Variants in MMP28 observed in about 807,000 individuals in gnomAD.
MMP28 encodes matrix metallopeptidase 28.
A neutral mutation model predicts 60.5 loss-of-function variants in MMP28; 55 were observed. That is an observed-to-expected ratio of 0.91 (90% CI 0.73 to 1.14). MMP28 has a LOEUF of 1.14. Ranked by LOEUF, MMP28 falls within the 50% of genes most tolerant of loss-of-function variation. The pLI is 0.00. For missense variants in MMP28, 686 were observed against 738.3 expected (o/e 0.93, Z 0.82); for synonymous variants, 318 against 312.5 (o/e 1.02, Z -0.18).
intron 2 of MMP28, among the ~76,000 whole-genome samples, chr17:35,759,780 C>T (rs1161247532): frequency 4.0e-5 from 6 of 149,838 alleles, no homozygotes; most frequent in Admixed American, 6.7e-5. Context: ...CTGCATATAC[C>T]GGTATCCACT....
intron 3 of MMP28, among the ~76,000 whole-genome samples, chr17:35,773,628 C>A (rs1341236290): frequency 2.0e-5 from 3 of 152,190 alleles, no homozygotes; most frequent in Non-Finnish European, 4.4e-5. Flanking sequence ...TGGACAGTCC[C>A]CAGTACAGTG....
At chr17:35,793,481 T>C (rs903227523) in intron 1 of MMP28, among the ~76,000 whole-genome samples, 8 of 152,096 alleles carry the variant, frequency 5.3e-5, no homozygotes, top group African/African-American at 1.9e-4. Context: ...CTTCTCTGAA[T>C]ATGCAGAGAA....
chr17:35,758,911 G>T (rs1178470945), intron 2 of MMP28, among the ~76,000 whole-genome samples: 1 of 152,048 alleles, frequency 6.6e-6, no homozygotes, highest in Non-Finnish European at 1.5e-5. Flanking sequence ...CATGCCAGGG[G>T]ACACTCTGTT....
At position 35,770,130 on chromosome 17, in the gene MMP28, T is replaced by C. The variant is rs755436729; in HGVS notation, c.787A>G (p.Lys263Glu). 108 of 1,607,216 alleles carry C rather than the reference T, an allele frequency of 6.7e-5. 1 individual carries two copies. The highest frequency in any genetic ancestry group is 8.9e-5 in the Non-Finnish European group (105 of 1,177,672). ...AGCAGCGCGTCGCGGCCCAGCCTCT[T>C]GTAGTAGGGCGCCATGAGCGCGCGC... is the stretch of plus-strand genomic sequence containing the variant. ...APRALMAPYY[K>E]RLGRDALLSW... The change falls in exon 5 of 8, where the codon AAG (lysine) becomes GAG (glutamate). Residue 263 changes from lysine to glutamate, a missense_variant. Transcript: ENST00000605424.
chr17:35,785,682 C>T (rs2086627142), intron 1 of MMP28, among the ~76,000 whole-genome samples: 2 of 152,122 alleles, frequency 1.3e-5, no homozygotes, highest in South Asian at 2.1e-4. Flanking sequence ...CTCTTGACCT[C>T]GTGATCCGCC....
downstream of MMP28, chr17:35,764,272 G>C (rs587606861): frequency 1.2e-5 from 18 of 1,536,570 alleles, no homozygotes; most frequent in South Asian, 2.1e-4. Flanking sequence ...GCGGCTTCTG[G>C]GGCTGGCTCG....
rs2143159751 is a variant in MMP28, at chr17:35,766,831, G to C, written c.1232C>G (p.Ala411Gly). 6.3e-7 allele frequency: 1 copy of C among 1,575,660 alleles called. No homozygotes were observed. Among genetic ancestry groups the C allele is most frequent in the Non-Finnish European group, 8.6e-7 (1 of 1,161,408 alleles). The change falls in exon 8 of 8, where the codon GCA (alanine) becomes GGA (glycine). Residue 411 changes from alanine (A) to glycine (G), a missense_variant. Physicochemically the swap from Ala to Gly is moderately conservative, Grantham distance 60. Coordinates refer to ENST00000605424, the MANE Select transcript of MMP28 (RefSeq NM_024302.5). This position sits in a 1 kb window ranked among gnomAD's most constrained non-coding sequence, Gnocchi z 4.3. The stretch of plus-strand genomic sequence containing the variant: ...GTCAGGATGGCGGGGCAGGCCCCCT[G>C]CCCGGCACAGCTGTGGGAGACCCCA... ...PVWGLPQLCR[A>G]GGLPRHPDAA...
chr17:35,773,497 C>T (rs1555606700), intron 3 of MMP28, 93 bp from the exon 4 acceptor site: 4 of 1,094,704 alleles, frequency 3.7e-6, no homozygotes, highest in Non-Finnish European at 5.2e-6. Context: ...GTAGGCCCTC[C>T]CCCAGCAGCC....
chr17:35,770,000 C>T (rs890804127), intron 5 of MMP28, 67 bp downstream of exon 5: 5 of 1,471,694 alleles, frequency 3.4e-6, no homozygotes, highest in African/African-American at 2.9e-5. Context: ...GCAGAGCCGG[C>T]GTTCAAGGAC....
At chr17:35,774,164 G>T (rs184130331) in intron 3 of MMP28, among the ~76,000 whole-genome samples, 4 of 152,306 alleles carry the variant, frequency 2.6e-5, no homozygotes, top group African/African-American at 7.2e-5. Flanking sequence ...TCCTCCCTGA[G>T]GGCTGAGACT....
chr17:35,775,885 T>C (rs1471006831), intron 3 of MMP28, among the ~76,000 whole-genome samples: 2 of 152,246 alleles, frequency 1.3e-5, no homozygotes, highest in Admixed American at 6.5e-5. Context: ...TTCTTTTTTC[T>C]TTTTTTGAGA....
chr17:35,774,477 T>G (rs959234253), intron 3 of MMP28, among the ~76,000 whole-genome samples: 3 of 152,198 alleles, frequency 2.0e-5, no homozygotes, highest in African/African-American at 7.2e-5. Context: ...GCTCTTCCAT[T>G]ATTCCACATA....
At chr17:35,764,300 G>C, downstream of MMP28, 1 of 1,509,660 alleles carries the variant, frequency 6.6e-7, no homozygotes, top group Non-Finnish European at 8.8e-7. Context: ...AGCGCTGCTG[G>C]GCGGCCTAAC....
chr17:35,761,198 G>C (rs2085812162), downstream of MMP28, among the ~76,000 whole-genome samples: 2 of 150,712 alleles, frequency 1.3e-5, no homozygotes, highest in Non-Finnish European at 3.0e-5. Context: ...CTGCCTCCCG[G>C]GTTCAAGTGA....
chr17:35,787,018 A>C (rs1555610647), intron 1 of MMP28, among the ~76,000 whole-genome samples: 3 of 152,148 alleles, frequency 2.0e-5, no homozygotes, highest in African/African-American at 7.2e-5. Flanking sequence ...TTTACATTTA[A>C]ACAAGTGACT....
At position 35,766,034 on chromosome 17, in the gene MMP28, G is replaced by T. The variant is rs2085928388; in HGVS notation, c.*466C>A. 2 of 985,310 alleles carry T rather than the reference G, an allele frequency of 2.0e-6. No homozygotes were observed. Among genetic ancestry groups the T allele is most frequent in the African/African-American group, 3.5e-5 (2 of 57,244 alleles). 61.0% of individuals were successfully genotyped at this position (985,310 alleles called of 1,614,324 possible). On this transcript the variant is annotated 3_prime_UTR_variant, in exon 8 of 8. Coordinates refer to ENST00000605424, the MANE Select transcript of MMP28 (RefSeq NM_024302.5). The surrounding 1 kb of genome is among the most constrained non-coding windows in gnomAD (Gnocchi z 4.3). ...CCTTCATCCCCATCCATGCTTCCTG[G>T]GGGTGGGGCCTCTGACTAAATATGA...
chr17:35,779,901 C>T (rs965896072), intron 1 of MMP28, among the ~76,000 whole-genome samples: 1 of 152,084 alleles, frequency 6.6e-6, no homozygotes, highest in African/African-American at 2.4e-5. Context: ...ATACACTATT[C>T]ATATGCATCC....
rs190700206 is a variant in MMP28 at position 35,783,651 on chromosome 17, G to A, written c.112-4328C>T. Reference sequence around the variant, plus strand: ...CAGCCCTTATCAGGGAGTTGGCTCCGGTTCTGGAACTCTGAAGCCTTGGAC... The same window carrying A: ...CAGCCCTTATCAGGGAGTTGGCTCCAGTTCTGGAACTCTGAAGCCTTGGAC... On this transcript the variant is annotated intron_variant, in intron 1 of 7. Coordinates refer to ENST00000605424, the MANE Select transcript of MMP28 (RefSeq NM_024302.5). Among the ~76,000 whole-genome samples the A allele has an allele frequency of 2.4e-4, 37 of 152,276 alleles. 1 individual carries two copies. Among genetic ancestry groups the A allele is most frequent in the African/African-American group, 8.7e-4 (36 of 41,540 alleles).
At chr17:35,782,102 T>C (rs1429586235) in intron 1 of MMP28, among the ~76,000 whole-genome samples, 3 of 148,546 alleles carry the variant, frequency 2.0e-5, no homozygotes, top group African/African-American at 7.5e-5. Flanking sequence ...CCCAGGCTGG[T>C]GTACAGTGGC....
Sources: gnomAD v4.1 joint callset for allele counts (sites outside exome capture counted in the v4.1 genomes callset) on GRCh38, gnomAD v4.1.1 for gene constraint, Gnocchi (gnomAD v3.1) non-coding constraint, MANE v1.5 for transcripts, NCBI Gene and HGNC (gene_info 2026-07-23, HGNC 2026-07-21) for gene names.